The following UVRAG variants were observed in gnomAD, a reference collection of about 807,000 sequenced individuals.
UVRAG encodes the protein UV radiation resistance associated.
In UVRAG, 19 loss-of-function variants were observed where a neutral mutation model predicts 78.0. That is an observed-to-expected ratio of 0.24 (90% CI 0.17 to 0.36). The LOEUF is 0.36. Among genes scored for constraint, UVRAG ranks in the 10% least tolerant of loss-of-function variants. UVRAG has a pLI of 1.00. For synonymous variants in UVRAG, 323 were observed against 324.6 expected, an observed-to-expected ratio of 1.00 and a Z score of 0.05; for missense variants, 740 against 853.8, an observed-to-expected ratio of 0.87 and a Z score of 1.66.
chr11:75,947,556 T>G (rs1487840736), intron 6 of UVRAG, among the ~76,000 whole-genome samples: 5 of 152,164 alleles, frequency 3.3e-5, no homozygotes, highest in African/African-American at 4.8e-5. Flanking sequence ...TGGACACATA[T>G]ATTTGGAAGG....
At chr11:76,120,925 T>C (rs1290651869) in intron 14 of UVRAG, among the ~76,000 whole-genome samples, 2 of 152,160 alleles carry the variant, frequency 1.3e-5, no homozygotes. Context: ...TCTTACATCT[T>C]TTGTAAAGCA....
chr11:75,851,134 G>C (rs1404188813), intron 1 of UVRAG, among the ~76,000 whole-genome samples: 2 of 152,190 alleles, frequency 1.3e-5, no homozygotes, highest in Non-Finnish European at 2.9e-5. Context: ...CTTCAGCGTT[G>C]CCAACATTCT....
At chr11:76,107,952 A>G (rs1421533108) in intron 13 of UVRAG, among the ~76,000 whole-genome samples, 2 of 152,156 alleles carry the variant, frequency 1.3e-5, no homozygotes, top group Non-Finnish European at 2.9e-5. Context: ...TGCATTTTTC[A>G]TTTCGTATTT....
intron 14 of UVRAG, 62 bp from the exon 15 acceptor site, chr11:76,140,649 C>T: frequency 2.1e-6 from 3 of 1,462,350 alleles, no homozygotes; most frequent in Non-Finnish European, 2.8e-6. Flanking sequence ...GTCTCTGGAT[C>T]CAGAAGGCTT....
At chr11:76,043,831 A>G (rs1481096299) in intron 12 of UVRAG, among the ~76,000 whole-genome samples, 1 of 152,172 alleles carries the variant, frequency 6.6e-6, no homozygotes, top group Non-Finnish European at 1.5e-5. Flanking sequence ...AAAAATACAC[A>G]CTGTGGTGTA....
At chr11:75,845,333 A>T (rs1244701528) in intron 1 of UVRAG, among the ~76,000 whole-genome samples, 1 of 152,260 alleles carries the variant, frequency 6.6e-6, no homozygotes, top group Non-Finnish European at 1.5e-5. Context: ...AGAGCATTTT[A>T]TAACTGTGAA....
At chr11:76,003,944 T>G (rs982941707) in intron 8 of UVRAG, 61 bp from the exon 9 acceptor site, 9 of 1,491,360 alleles carry the variant, frequency 6.0e-6, no homozygotes, top group Admixed American at 1.7e-5. Context: ...CTTGGCCTCT[T>G]TGGTTGTGAT....
chr11:75,923,222 A>G (rs1948017846), intron 6 of UVRAG, among the ~76,000 whole-genome samples: 1 of 151,772 alleles, frequency 6.6e-6, no homozygotes, highest in African/African-American at 2.4e-5. Context: ...ACATTTATTA[A>G]TATTATATAT....
chr11:75,944,587 G>T (rs1948553970), intron 6 of UVRAG, among the ~76,000 whole-genome samples: 1 of 152,110 alleles, frequency 6.6e-6, no homozygotes, highest in Non-Finnish European at 1.5e-5. Flanking sequence ...GCAATATGCT[G>T]GGTATACAGT....
chr11:75,886,328 T>C (rs1947078389), intron 4 of UVRAG, among the ~76,000 whole-genome samples: 1 of 152,232 alleles, frequency 6.6e-6, no homozygotes, highest in Admixed American at 6.5e-5. Context: ...TATTTTCTTC[T>C]AATTTTGTTT....
chr11:76,075,790 T>A (rs1281943958), intron 13 of UVRAG, among the ~76,000 whole-genome samples: 1 of 152,198 alleles, frequency 6.6e-6, no homozygotes, highest in African/African-American at 2.4e-5. Context: ...GCCTACTTTC[T>A]GTTTCTATAG....
chr11:75,905,702 T>C (rs1947599368), intron 5 of UVRAG, among the ~76,000 whole-genome samples: 1 of 152,220 alleles, frequency 6.6e-6, no homozygotes, highest in African/African-American at 2.4e-5. Flanking sequence ...TGTTTATTCA[T>C]GTCTGTTGAT....
At position 76,112,888 on chromosome 11, in the gene UVRAG, G is replaced by A. The variant is rs142526855; in HGVS notation, c.1306-3036G>A. On this transcript the variant is annotated intron_variant, in intron 13 of 14. Coordinates refer to ENST00000356136, the MANE Select transcript of UVRAG (RefSeq NM_003369.4). Reference sequence around the variant, plus strand: ...ACCATAGGCAAGCACCACCATGCCCGGATAATTTTTTGTACTTTTGGTAGA... The same window carrying A: ...ACCATAGGCAAGCACCACCATGCCCAGATAATTTTTTGTACTTTTGGTAGA... Among the ~76,000 whole-genome samples the A allele has an allele frequency of 1.1e-3, 163 of 151,978 alleles. 1 individual carries two copies. In the East Asian group the frequency reaches 0.018, roughly 17 times the overall value.
intron 11 of UVRAG, among the ~76,000 whole-genome samples, chr11:76,010,374 A>G (rs977933718): frequency 1.3e-5 from 2 of 152,240 alleles, no homozygotes; most frequent in African/African-American, 4.8e-5. Flanking sequence ...CAAGTATTTA[A>G]TAAAGGAATA....
At chr11:75,918,233 G>A (rs892962423) in intron 6 of UVRAG, among the ~76,000 whole-genome samples, 4 of 143,798 alleles carry the variant, frequency 2.8e-5, no homozygotes, top group East Asian at 4.1e-4. Flanking sequence ...AAAAAAAATA[G>A]CCAGGCATGG....
At chr11:75,831,595 T>C (rs1945660875) in intron 1 of UVRAG, among the ~76,000 whole-genome samples, 1 of 151,110 alleles carries the variant, frequency 6.6e-6, no homozygotes, top group Admixed American at 6.6e-5. Flanking sequence ...AGTACTGAGA[T>C]GGGAAAGATG....
At position 76,037,539 on chromosome 11, in the gene UVRAG, CAAAAAAAAAAA is replaced by C. The variant is rs61354759; in HGVS notation, c.1226+20573_1226+20583del. On this transcript the variant is annotated intron_variant, in intron 12 of 14. Transcript: ENST00000356136. The stretch of plus-strand genomic sequence containing the variant: ...GCAACATTTCAAGACTTTGTCTTTA[CAAAAAAAAAAA>C]AAAAAAAAAAAAATCAGCTGGGCGT... Among the ~76,000 whole-genome samples the C allele has an allele frequency of 8.9e-3, 432 of 48,526 alleles. 2 individuals carry two copies. The highest frequency in any genetic ancestry group is 0.015 in the Middle Eastern group (1 of 68). The allele number at this position is 48,526 out of a possible 152,430, so 31.8% of individuals were successfully genotyped here.
rs753560593 is a variant in UVRAG, at chr11:76,115,908, T to G, written c.1306-16T>G. On this transcript the variant is annotated splice_polypyrimidine_tract_variant and intron_variant, in intron 13 of 14. Coordinates refer to ENST00000356136, the MANE Select transcript of UVRAG (RefSeq NM_003369.4). ...TCTGCCAAAATATCTTTAATTCTAT[T>G]TTTTCACCTTCACAGCTAAGATATC... The G allele has an allele frequency of 4.3e-6, 7 of 1,612,748 alleles. No individual in the cohort carries two copies. In the Admixed American group the frequency reaches 1.2e-4, roughly 27 times the overall value.
At chr11:75,939,023 A>G (rs182711175) in intron 6 of UVRAG, among the ~76,000 whole-genome samples, 2 of 151,140 alleles carry the variant, frequency 1.3e-5, no homozygotes, top group East Asian at 3.9e-4. Flanking sequence ...GTGTTTCTCT[A>G]CTCTCAGATG....
Sources: gnomAD v4.1 joint callset for allele counts (sites outside exome capture counted in the v4.1 genomes callset) on GRCh38, gnomAD v4.1.1 for gene constraint, MANE v1.5 for transcripts, NCBI Gene and HGNC (gene_info 2026-07-23, HGNC 2026-07-21) for gene names.